The following ZBTB2 variants were observed in gnomAD, a reference collection of about 807,000 sequenced individuals.
ZBTB2 encodes zinc finger and BTB domain containing 2.
ZBTB2 carries 2 observed loss-of-function variants against 39.5 expected under a neutral mutation model. That is an observed-to-expected ratio of 0.05 (90% CI 0.02 to 0.16). The LOEUF (loss-of-function observed/expected upper bound fraction) is 0.16. ZBTB2 is among the 10% of genes least tolerant of loss of function. The pLI, the probability that ZBTB2 is intolerant of heterozygous loss-of-function variation, is 1.00. For missense variants in ZBTB2, 391 were observed against 653.0 expected (o/e 0.60, Z 4.37); for synonymous variants, 251 against 256.6 (o/e 0.98, Z 0.21).
chr6:151,384,194 A>C (rs1443126172), intron 1 of ZBTB2, among the ~76,000 whole-genome samples: 4 of 152,252 alleles, frequency 2.6e-5, no homozygotes, highest in Non-Finnish European at 5.9e-5. Context: ...AATTCACAAT[A>C]ACCCGGAAGG....
chr6:151,376,506 AAAAAAATCAAATCAG>A (rs1365900359), intron 1 of ZBTB2, among the ~76,000 whole-genome samples: 5 of 152,234 alleles, frequency 3.3e-5, no homozygotes, highest in African/African-American at 1.2e-4. Context: ...TCAACAGTAA[AAAAAAATCAAATCAG>A]AAAATATGTA....
chr6:151,385,613 G>A (rs1361166951), intron 1 of ZBTB2, among the ~76,000 whole-genome samples: 1 of 152,198 alleles, frequency 6.6e-6, no homozygotes, highest in Non-Finnish European at 1.5e-5. Context: ...CATTTCAAGG[G>A]CACTAAAAGG....
At chr6:151,386,843 C>T (rs1237810542) in intron 1 of ZBTB2, among the ~76,000 whole-genome samples, 2 of 151,624 alleles carry the variant, frequency 1.3e-5, no homozygotes, top group Admixed American at 6.6e-5. Context: ...TGATAATTAC[C>T]AAAATGGAGA....
rs770669670 is a variant in ZBTB2, at chr6:151,373,590, A to G, written c.48T>C (p.Ala16=). The change falls in exon 2 of 3, where the codon GCT becomes GCC. Residue 16 remains alanine, a synonymous_variant. Transcript: ENST00000325144. ...HGLILLQQLN[A]QREFGFLCDC... ...CACACAGGAAACCAAACTCTCGCTG[A>G]GCGTTTAACTGTTGCAGTAGAATAA... 6.2e-7 allele frequency: 1 copy of G among 1,614,180 alleles called. No homozygotes were observed. The highest frequency in any genetic ancestry group is 1.7e-5 in the Admixed American group (1 of 60,022).
intron 2 of ZBTB2, among the ~76,000 whole-genome samples, chr6:151,368,942 T>A (rs1189368364): frequency 6.6e-6 from 1 of 151,010 alleles, no homozygotes; most frequent in Admixed American, 6.6e-5. Flanking sequence ...GTATTTTTTT[T>A]AGTAGAGACA....
In ZBTB2 at chr6:151,373,527, T is replaced by C; in HGVS notation, c.111A>G (p.Ala37=). ...TVAIGDVYFK[A]HKSVLASFSN... Reference sequence around the variant, plus strand: ...AGAATGAAGCAAGAACTGATTTGTGTGCCTTGAAGTATACATCGCCGATTG... The same window carrying C: ...AGAATGAAGCAAGAACTGATTTGTGCGCCTTGAAGTATACATCGCCGATTG... The change falls in exon 2 of 3, where the codon GCA becomes GCG. Residue 37 remains alanine, a synonymous_variant. Transcript: ENST00000325144. The C allele has an allele frequency of 6.2e-7, 1 of 1,614,144 alleles. No individual in the cohort carries two copies. The highest frequency in any genetic ancestry group is 8.5e-7 in the Non-Finnish European group (1 of 1,180,032).
At chr6:151,374,079 C>A (rs1332359552) in intron 1 of ZBTB2, among the ~76,000 whole-genome samples, 1 of 151,938 alleles carries the variant, frequency 6.6e-6, no homozygotes, top group Non-Finnish European at 1.5e-5. Context: ...GTTTAAGATT[C>A]CAAATGGAAA....
chr6:151,390,382 G>A (rs1206921333), intron 1 of ZBTB2, among the ~76,000 whole-genome samples: 1 of 150,120 alleles, frequency 6.7e-6, no homozygotes, highest in African/African-American at 2.4e-5. Context: ...GGCTGAGGGG[G>A]AGGGAGGGGC....
At chr6:151,370,999 A>G (rs562075204) in intron 2 of ZBTB2, among the ~76,000 whole-genome samples, 1 of 152,204 alleles carries the variant, frequency 6.6e-6, no homozygotes, top group Non-Finnish European at 1.5e-5. Context: ...ATTAAAACTC[A>G]TTACGTAGTA....
rs1315654305 is a variant in ZBTB2 at position 151,364,620 on chromosome 6, C to T, written c.*901G>A. Reference sequence around the variant, plus strand: ...TTCCTATATCCTTTTCCCTGCAGTACACACACTGATTTAAAAGTTAGTGTA... The same window carrying T: ...TTCCTATATCCTTTTCCCTGCAGTATACACACTGATTTAAAAGTTAGTGTA... On this transcript the variant is annotated 3_prime_UTR_variant, in exon 3 of 3. Coordinates refer to ENST00000325144, the MANE Select transcript of ZBTB2 (RefSeq NM_020861.3). 6.6e-6 allele frequency: 1 copy of T among 152,244 alleles called. No homozygotes were observed. The highest frequency in any genetic ancestry group is 2.4e-5 in the African/African-American group (1 of 41,462). 9.4% of individuals were successfully genotyped at this position (152,244 alleles called of 1,614,324 possible).
intron 1 of ZBTB2, among the ~76,000 whole-genome samples, chr6:151,382,676 T>C (rs1779062794): frequency 6.6e-6 from 1 of 151,798 alleles, no homozygotes; most frequent in African/African-American, 2.4e-5. Flanking sequence ...CTGCCTCAGC[T>C]TTCCGGGTAG....
At chr6:151,373,837 T>C (rs1198326411) in intron 1 of ZBTB2, among the ~76,000 whole-genome samples, 188 bp from the exon 2 acceptor site, 2 of 92,634 alleles carry the variant, frequency 2.2e-5, no homozygotes, top group African/African-American at 1.2e-4. Flanking sequence ...TATGTCATTA[T>C]GCCTTTAAAA....
At chr6:151,384,984 A>G (rs1779122442) in intron 1 of ZBTB2, among the ~76,000 whole-genome samples, 1 of 152,206 alleles carries the variant, frequency 6.6e-6, no homozygotes, top group Non-Finnish European at 1.5e-5. Flanking sequence ...GACAATCAAG[A>G]CATGAAACTG....
chr6:151,381,616 G>A (rs1779036885), intron 1 of ZBTB2, among the ~76,000 whole-genome samples: 1 of 152,156 alleles, frequency 6.6e-6, no homozygotes, highest in Non-Finnish European at 1.5e-5. Context: ...TCCCAGTGCC[G>A]CTGCACCTCT....
At position 151,366,580 on chromosome 6, in the gene ZBTB2, C is replaced by G; in HGVS notation, c.486G>C (p.Gln162His). Residue 162 changes from glutamine to histidine, a missense_variant, in exon 3 of 3, where the codon CAG becomes CAC. Gln to His is a conservative substitution (Grantham distance 24). Coordinates refer to ENST00000325144, the MANE Select transcript of ZBTB2 (RefSeq NM_020861.3). This position sits in a 1 kb window ranked among gnomAD's most constrained non-coding sequence, Gnocchi z 7.1. Reference sequence around the variant, plus strand: ...CCTGCTCCTGGCTTATCCTGGAGGTCTGTGGCCGTGGATCTCGCCCGAGTT... The same window carrying G: ...CCTGCTCCTGGCTTATCCTGGAGGTGTGTGGCCGTGGATCTCGCCCGAGTT... ...PEKLGRDPRP[Q>H]TSRISQEQVP... 2 of 1,614,036 alleles carry G rather than the reference C, an allele frequency of 1.2e-6. No individual in the cohort carries two copies. The highest frequency in any genetic ancestry group is 2.2e-5 in the South Asian group (2 of 91,064).
chr6:151,385,552 G>C (rs1257765186), intron 1 of ZBTB2, among the ~76,000 whole-genome samples: 1 of 152,194 alleles, frequency 6.6e-6, no homozygotes, highest in African/African-American at 2.4e-5. Flanking sequence ...TGTTGATTCA[G>C]TTTTTAAAGA....
chr6:151,384,356 G>A (rs561280948), intron 1 of ZBTB2, among the ~76,000 whole-genome samples: 1 of 152,272 alleles, frequency 6.6e-6, no homozygotes, highest in East Asian at 1.9e-4. Context: ...AACTAATCAA[G>A]CTGGGGAGGA....
intron 1 of ZBTB2, among the ~76,000 whole-genome samples, chr6:151,374,508 A>C (rs115590207): frequency 0.014 from 2,087 of 152,276 alleles, 38 homozygotes; most frequent in African/African-American, 0.048. Flanking sequence ...TGGTTCATCA[A>C]ATCACTAGTC....
intron 1 of ZBTB2, among the ~76,000 whole-genome samples, chr6:151,381,396 C>T (rs1175994637): frequency 6.6e-6 from 1 of 152,060 alleles, no homozygotes; most frequent in Non-Finnish European, 1.5e-5. Flanking sequence ...TGGCGAGTGC[C>T]TGTAATCCCA....
Sources: gnomAD v4.1 joint callset for allele counts (sites outside exome capture counted in the v4.1 genomes callset) on GRCh38, gnomAD v4.1.1 for gene constraint, Gnocchi (gnomAD v3.1) non-coding constraint, MANE v1.5 for transcripts, NCBI Gene and HGNC (gene_info 2026-07-23, HGNC 2026-07-21) for gene names.